The following FSTL5 variants were observed in gnomAD, a reference collection of about 807,000 sequenced individuals.
The protein encoded by FSTL5 is follistatin-related protein 5.
FSTL5 carries 62 observed loss-of-function variants against 89.1 expected under a neutral mutation model. The ratio of observed to expected loss-of-function variants is 0.70; its 90% CI spans 0.57 to 0.86. FSTL5 has a LOEUF of 0.86. Ranked by LOEUF, FSTL5 falls within the 40% of genes least tolerant of loss-of-function variation. FSTL5 has a pLI of 0.00. For synonymous variants in FSTL5, 383 were observed against 346.2 expected, an observed-to-expected ratio of 1.11 and a Z score of -1.18; for missense variants, 1,057 against 1,001.6, an observed-to-expected ratio of 1.06 and a Z score of -0.75.
chr4:161,799,708 A>G (rs1729738744), intron 4 of FSTL5, among the ~76,000 whole-genome samples: 1 of 151,720 alleles, frequency 6.6e-6, no homozygotes, highest in Admixed American at 6.6e-5. Flanking sequence ...TTACCATTTT[A>G]TAAGACAACG....
intron 2 of FSTL5, among the ~76,000 whole-genome samples, chr4:162,076,192 A>T (rs1398522305): frequency 6.6e-6 from 1 of 151,906 alleles, no homozygotes; most frequent in Non-Finnish European, 1.5e-5. Context: ...CAACTGAACT[A>T]CCAGTTCAGA....
intron 6 of FSTL5, among the ~76,000 whole-genome samples, chr4:161,681,043 G>A (rs908982488): frequency 1.3e-5 from 2 of 152,054 alleles, no homozygotes; most frequent in African/African-American, 4.8e-5. Context: ...CAAAGCAAAA[G>A]TTCCGTTACA....
intron 2 of FSTL5, among the ~76,000 whole-genome samples, chr4:162,058,949 G>C (rs1368556807): frequency 6.6e-6 from 1 of 152,118 alleles, no homozygotes; most frequent in Non-Finnish European, 1.5e-5. Flanking sequence ...TATTGAAAAT[G>C]TGAATTCACT....
At chr4:161,977,639 A>AAT (rs1553988131) in intron 3 of FSTL5, among the ~76,000 whole-genome samples, 32 of 101,152 alleles carry the variant, frequency 3.2e-4, no homozygotes, top group South Asian at 9.9e-4. Flanking sequence ...AAAAAAAAAA[A>AAT]AATAATAATA....
chr4:161,697,675 A>G (rs2126726626), intron 6 of FSTL5, among the ~76,000 whole-genome samples: 1 of 152,310 alleles, frequency 6.6e-6, no homozygotes, highest in African/African-American at 2.4e-5. Flanking sequence ...ATCCATAAAA[A>G]GAATGAAATC....
chr4:161,778,925 C>G (rs1270265433), intron 4 of FSTL5, among the ~76,000 whole-genome samples: 2 of 152,172 alleles, frequency 1.3e-5, no homozygotes, highest in Non-Finnish European at 2.9e-5. Context: ...TTCCAATAGC[C>G]TTTCCTTGGA....
intron 3 of FSTL5, among the ~76,000 whole-genome samples, chr4:161,972,180 C>A (rs966791435): frequency 6.6e-6 from 1 of 152,052 alleles, no homozygotes; most frequent in African/African-American, 2.4e-5. Context: ...GCAACCTCCG[C>A]TTCCCCATTC....
chr4:161,788,092 A>C (rs1741974120), intron 4 of FSTL5, among the ~76,000 whole-genome samples: 1 of 152,208 alleles, frequency 6.6e-6, no homozygotes, highest in South Asian at 2.1e-4. Flanking sequence ...TTGTCAGATG[A>C]AAATGAATTG....
intron 4 of FSTL5, among the ~76,000 whole-genome samples, chr4:161,841,921 T>C (rs1275823395): frequency 6.6e-6 from 1 of 152,116 alleles, no homozygotes; most frequent in African/African-American, 2.4e-5. Context: ...GATTTGAGTG[T>C]GTGTTGGCAT....
At chr4:161,511,005 G>T (rs907962655) in intron 10 of FSTL5, among the ~76,000 whole-genome samples, 17 of 151,978 alleles carry the variant, frequency 1.1e-4, no homozygotes, top group African/African-American at 4.1e-4. Context: ...ATACTGAATT[G>T]TTCTTGAACC....
At chr4:162,038,191 T>A (rs892949627) in intron 2 of FSTL5, among the ~76,000 whole-genome samples, 1 of 151,880 alleles carries the variant, frequency 6.6e-6, no homozygotes, top group East Asian at 1.9e-4. Context: ...AAATAAGAAA[T>A]ATATTTGGTT....
At chr4:161,485,160 C>T (rs527831693) in intron 12 of FSTL5, among the ~76,000 whole-genome samples, 12 of 152,286 alleles carry the variant, frequency 7.9e-5, no homozygotes, top group African/African-American at 2.4e-4. Context: ...TATTTACTTA[C>T]TACCTGGCCA....
chr4:161,597,988 A>T (rs2126620199), intron 7 of FSTL5, among the ~76,000 whole-genome samples: 1 of 152,330 alleles, frequency 6.6e-6, no homozygotes, highest in Middle Eastern at 3.4e-3. Context: ...TATCTTACTC[A>T]GTTGAAAAAC....
chr4:161,728,825 A>C (rs1739507934), intron 6 of FSTL5, among the ~76,000 whole-genome samples: 1 of 152,114 alleles, frequency 6.6e-6, no homozygotes. Flanking sequence ...TCCCAATGAA[A>C]ATTTTCAAAT....
chr4:161,397,279 C>T (rs561585156), intron 15 of FSTL5, among the ~76,000 whole-genome samples: 4 of 152,010 alleles, frequency 2.6e-5, no homozygotes, highest in Admixed American at 2.0e-4. Context: ...TATACACGCA[C>T]ATACATACTA....
At chr4:161,615,748 C>T (rs1007749006) in intron 7 of FSTL5, among the ~76,000 whole-genome samples, 2 of 152,072 alleles carry the variant, frequency 1.3e-5, no homozygotes, top group African/African-American at 4.8e-5. Context: ...ATTGAATTCT[C>T]CTCACTATAT....
Position 161,711,917 on chromosome 4 carries a change from T to C in FSTL5, c.727+47494A>G, listed in dbSNP as rs186718046. The stretch of plus-strand genomic sequence containing the variant: ...GTAGATGCCAAATAAGCATCTGTCA[T>C]AATCCAAAACCTTTGTGATAAATAT... On this transcript the variant is annotated intron_variant, in intron 6 of 15. Coordinates refer to ENST00000306100, the MANE Select transcript of FSTL5 (RefSeq NM_020116.5). Among the ~76,000 whole-genome samples the C allele has an allele frequency of 1.7e-3, 255 of 152,306 alleles. 5 individuals carry two copies. The highest frequency in any genetic ancestry group is 4.4e-4 in the Non-Finnish European group (30 of 68,014).
At chr4:161,514,545 T>C (rs1730752640) in intron 10 of FSTL5, among the ~76,000 whole-genome samples, 3 of 152,154 alleles carry the variant, frequency 2.0e-5, no homozygotes, top group Non-Finnish European at 4.4e-5. Context: ...ACTAAAAGCC[T>C]AGACTTCACC....
chr4:162,161,576 T>A (rs1677549271), intron 1 of FSTL5, among the ~76,000 whole-genome samples: 1 of 151,954 alleles, frequency 6.6e-6, no homozygotes, highest in South Asian at 2.1e-4. Flanking sequence ...AGATGAAACA[T>A]TAAATTTCAT....
Sources: gnomAD v4.1 joint callset for allele counts (sites outside exome capture counted in the v4.1 genomes callset) on GRCh38, gnomAD v4.1.1 for gene constraint, MANE v1.5 for transcripts, NCBI Gene and HGNC (gene_info 2026-07-23, HGNC 2026-07-21) for gene names.